The following RSRC1 variants were observed in gnomAD, a reference collection of about 807,000 sequenced individuals.
RSRC1 encodes serine/Arginine-related protein 53.
Under a neutral mutation model 49.1 loss-of-function variants are expected in RSRC1, and 39 were observed. The observed-to-expected ratio is 0.79, with a 90% CI of 0.61 to 1.04. The LOEUF (loss-of-function observed/expected upper bound fraction) is 1.04, where lower values mean the gene tolerates loss of function less well. Ranked by LOEUF, RSRC1 falls within the 50% of genes least tolerant of loss-of-function variation. RSRC1 has a pLI of 0.00. For missense variants in RSRC1, 388 were observed against 402.4 expected, an observed-to-expected ratio of 0.96 and a Z score of 0.31; for synonymous variants, 143 against 130.8, an observed-to-expected ratio of 1.09 and a Z score of -0.63.
intron 7 of RSRC1, among the ~76,000 whole-genome samples, chr3:158,527,077 C>CTTTTT (rs543523088): frequency 9.1e-6 from 1 of 110,170 alleles, no homozygotes; most frequent in African/African-American, 3.4e-5. Flanking sequence ...AGTTCAAAAT[C>CTTTTT]TTTTTTTTTT....
At chr3:158,355,650 C>T (rs1731115426) in intron 6 of RSRC1, among the ~76,000 whole-genome samples, 1 of 151,974 alleles carries the variant, frequency 6.6e-6, no homozygotes, top group Non-Finnish European at 1.5e-5. Flanking sequence ...ACATTAAATA[C>T]TTTACTTTTT....
chr3:158,326,831 A>G (rs985059571), intron 5 of RSRC1, among the ~76,000 whole-genome samples: 1 of 152,206 alleles, frequency 6.6e-6, no homozygotes, highest in African/African-American at 2.4e-5. Context: ...TACCTCTGGT[A>G]CAATTCGGCT....
intron 4 of RSRC1, among the ~76,000 whole-genome samples, chr3:158,274,506 C>A (rs577489180): frequency 2.7e-4 from 41 of 151,986 alleles, no homozygotes; most frequent in African/African-American, 9.4e-4. Context: ...TATGAACTTG[C>A]TATGAGTACT....
At chr3:158,443,832 T>G (rs1424005134) in intron 6 of RSRC1, among the ~76,000 whole-genome samples, 1 of 152,180 alleles carries the variant, frequency 6.6e-6, no homozygotes, top group African/African-American at 2.4e-5. Flanking sequence ...TGGCTCTTCC[T>G]TTCACTTGAA....
intron 4 of RSRC1, chr3:158,276,259 C>T (rs1553778134): frequency 1.3e-6 from 1 of 768,754 alleles, no homozygotes; most frequent in South Asian, 1.3e-5. Context: ...CCTTTCTTGG[C>T]CTTGCAGCCC....
At chr3:158,202,562 T>TTATATATATATGTATATATA (rs1553768415) in intron 3 of RSRC1, among the ~76,000 whole-genome samples, 2 of 92,024 alleles carry the variant, frequency 2.2e-5, no homozygotes, top group African/African-American at 1.1e-4. Flanking sequence ...GTCTGGTAGA[T>TTATATATATATGTATATATA]TATATATATA....
intron 3 of RSRC1, among the ~76,000 whole-genome samples, chr3:158,151,396 TG>T (rs1271891315): frequency 3.9e-5 from 6 of 152,172 alleles, no homozygotes; most frequent in Non-Finnish European, 7.3e-5. Context: ...TTCTTTCTTT[TG>T]GGGATATGGA....
intron 6 of RSRC1, among the ~76,000 whole-genome samples, chr3:158,423,254 T>C (rs367706143): frequency 1.8e-4 from 28 of 152,258 alleles, no homozygotes; most frequent in South Asian, 8.3e-4. Flanking sequence ...GATTTTTGTA[T>C]AAGGTGTAAG....
chr3:158,425,392 G>T (rs1398474434), intron 6 of RSRC1, among the ~76,000 whole-genome samples: 1 of 152,086 alleles, frequency 6.6e-6, no homozygotes, highest in African/African-American at 2.4e-5. Flanking sequence ...GAACAGTTTT[G>T]AGTGAGTTTC....
chr3:158,201,205 TAA>T (rs1578192275), intron 3 of RSRC1, among the ~76,000 whole-genome samples: 1 of 152,186 alleles, frequency 6.6e-6, no homozygotes, highest in East Asian at 1.9e-4. Flanking sequence ...TTATTTTTGA[TAA>T]GAGGTCAGTA....
intron 5 of RSRC1, among the ~76,000 whole-genome samples, chr3:158,354,059 C>T (rs752052418): frequency 1.5e-4 from 19 of 130,888 alleles, no homozygotes; most frequent in Admixed American, 5.7e-4. Context: ...TACAGTGGCA[C>T]GATCTTGGCT....
At chr3:158,181,611 CAATGT>C (rs1719629023) in intron 3 of RSRC1, among the ~76,000 whole-genome samples, 1 of 152,054 alleles carries the variant, frequency 6.6e-6, no homozygotes, top group Non-Finnish European at 1.5e-5. Flanking sequence ...AAATACAAAG[CAATGT>C]AAATTTTAAC....
chr3:158,448,621 G>A (rs1736857993), intron 6 of RSRC1, among the ~76,000 whole-genome samples: 1 of 151,898 alleles, frequency 6.6e-6, no homozygotes, highest in Admixed American at 6.6e-5. Flanking sequence ...TGCCTATTCA[G>A]GTGAAGAACA....
chr3:158,353,167 A>T (rs1472432060), intron 5 of RSRC1, among the ~76,000 whole-genome samples: 1 of 152,150 alleles, frequency 6.6e-6, no homozygotes. Context: ...GTTTCAGCTC[A>T]GGCCCTCCTC....
At chr3:158,409,054 TAATAA>T (rs1311753116) in intron 6 of RSRC1, among the ~76,000 whole-genome samples, 2 of 151,254 alleles carry the variant, frequency 1.3e-5, no homozygotes, top group Non-Finnish European at 2.9e-5. Context: ...TAATAATAAT[TAATAA>T]AATAAGTGGG....
rs565352754 is a variant in RSRC1, at chr3:158,403,357, C to A, written c.583+48449C>A. Among the ~76,000 whole-genome samples the A allele has an allele frequency of 7.9e-5, 12 of 151,750 alleles. No homozygotes were observed. In the East Asian group the frequency reaches 2.3e-3, roughly 29 times the overall value. On this transcript the variant is annotated intron_variant, in intron 6 of 9. Coordinates refer to ENST00000611884, the MANE Select transcript of RSRC1 (RefSeq NM_001271838.2). Reference sequence around the variant, plus strand: ...AGCTTTGCATTCAGTGTCTTACTTTCTTTTTTAGAGACACTGAAGCAGTCT... The same window carrying A: ...AGCTTTGCATTCAGTGTCTTACTTTATTTTTTAGAGACACTGAAGCAGTCT...
intron 6 of RSRC1, among the ~76,000 whole-genome samples, chr3:158,402,796 T>C (rs2108310602): frequency 6.6e-6 from 1 of 151,980 alleles, no homozygotes; most frequent in Non-Finnish European, 1.5e-5. Flanking sequence ...GACCAATTAG[T>C]TATCATTTAT....
intron 6 of RSRC1, among the ~76,000 whole-genome samples, chr3:158,399,665 A>G (rs968464255): frequency 6.6e-6 from 1 of 152,182 alleles, no homozygotes; most frequent in African/African-American, 2.4e-5. Flanking sequence ...ACATTTGGCT[A>G]GTAGCTATCT....
At chr3:158,275,908 A>G in intron 4 of RSRC1, 1 of 702,090 alleles carries the variant, frequency 1.4e-6, no homozygotes, top group South Asian at 1.4e-5. Flanking sequence ...TTCAAAGGCC[A>G]CGGCTCTTTT....
Sources: allele counts gnomAD v4.1 joint callset (sites outside exome capture counted in the v4.1 genomes callset), GRCh38; gene constraint gnomAD v4.1.1; transcripts MANE v1.5; gene names NCBI Gene and HGNC (gene_info 2026-07-23, HGNC 2026-07-21).